CDK12: variants seen among roughly 807,000 people sequenced by gnomAD.
CDK12 encodes the protein cyclin dependent kinase 12.
In CDK12, 17 loss-of-function variants were observed where a neutral mutation model predicts 133.8. The ratio of observed to expected loss-of-function variants is 0.13; its 90% CI spans 0.09 to 0.19. The LOEUF (loss-of-function observed/expected upper bound fraction) is 0.19. Ranked by LOEUF, CDK12 falls within the 10% of genes least tolerant of loss-of-function variation. The pLI is 1.00. For missense variants in CDK12, 1,508 were observed against 1,818.7 expected (o/e 0.83, Z 3.11); for synonymous variants, 694 against 683.6 (o/e 1.02, Z -0.24).
chr17:39,482,971 G>A (rs968602037), intron 2 of CDK12, among the ~76,000 whole-genome samples: 2 of 149,082 alleles, frequency 1.3e-5, no homozygotes, highest in African/African-American at 5.0e-5. Flanking sequence ...GGAGTACAGT[G>A]GCATGATCTC....
At chr17:39,512,122 A>T (rs2053540762) in intron 8 of CDK12, among the ~76,000 whole-genome samples, 1 of 152,208 alleles carries the variant, frequency 6.6e-6, no homozygotes, top group South Asian at 2.1e-4. Flanking sequence ...TATGTTGCCC[A>T]TTCTGGAGTC....
At chr17:39,489,812 T>A (rs866642288) in intron 2 of CDK12, among the ~76,000 whole-genome samples, 4 of 147,262 alleles carry the variant, frequency 2.7e-5, no homozygotes, top group African/African-American at 5.0e-5. Context: ...TTTTTTTTTT[T>A]AATTTTTTGT....
At chr17:39,486,198 C>T (rs1240038319) in intron 2 of CDK12, among the ~76,000 whole-genome samples, 1 of 151,184 alleles carries the variant, frequency 6.6e-6, no homozygotes, top group East Asian at 1.9e-4. Context: ...GGTGATCCGC[C>T]CGCTTGGCCT....
chr17:39,473,112 A>T (rs957738227), intron 2 of CDK12, among the ~76,000 whole-genome samples: 3 of 152,050 alleles, frequency 2.0e-5, no homozygotes, highest in Admixed American at 6.6e-5. Flanking sequence ...ATAATATTTA[A>T]CCAAATAGTC....
intron 2 of CDK12, among the ~76,000 whole-genome samples, chr17:39,553,169 G>A (rs7216086): frequency 0.61 from 92,583 of 151,922 alleles, 31,859 homozygotes; most frequent in South Asian, 0.89. Context: ...GTTAGCCTAC[G>A]GCTCAACTCT....
chr17:39,545,467 C>G (rs191728691), upstream of CDK12, among the ~76,000 whole-genome samples: 1 of 147,564 alleles, frequency 6.8e-6, no homozygotes, highest in Non-Finnish European at 1.5e-5. Flanking sequence ...GGATTATAGA[C>G]GTGAGCCACT....
chr17:39,467,952 GGC>G (rs2049474122), intron 1 of CDK12, among the ~76,000 whole-genome samples: 2 of 151,320 alleles, frequency 1.3e-5, no homozygotes, highest in Admixed American at 1.3e-4. Context: ...GGAGTGCAGT[GGC>G]GTGATCTTGG....
chr17:39,481,559 C>G, intron 2 of CDK12, among the ~76,000 whole-genome samples: 1 of 151,708 alleles, frequency 6.6e-6, no homozygotes. Flanking sequence ...GTCTGCCCAC[C>G]TTGGTCTTCC....
chr17:39,480,170 C>T (rs1308428931), intron 2 of CDK12, among the ~76,000 whole-genome samples: 1 of 152,076 alleles, frequency 6.6e-6, no homozygotes, highest in East Asian at 1.9e-4. Context: ...GTGATCCACT[C>T]ATCTGGGCCT....
In CDK12 at chr17:39,530,911, A is replaced by C. The variant is rs1259573160; in HGVS notation, c.4068A>C (p.Arg1356=). ...TCAGTGCCATTGACACTGATGAACG[A>C]AACTCTGGTCCAGCCTTGACAGAAT... The part of the protein sequence containing the change: ...TGFSAIDTDE[R]NSGPALTESL... Residue 1356 remains arginine, a synonymous_variant, in exon 14 of 14, where the codon CGA becomes CGC. Coordinates refer to ENST00000447079, the MANE Select transcript of CDK12 (RefSeq NM_016507.4). The C allele has an allele frequency of 6.2e-7, 1 of 1,614,224 alleles. No individual in the cohort carries two copies. Among genetic ancestry groups the C allele is most frequent in the Middle Eastern group, 1.6e-4 (1 of 6,062 alleles).
intron 6 of CDK12, among the ~76,000 whole-genome samples, chr17:39,507,727 C>G (rs2053226742): frequency 6.6e-6 from 1 of 152,184 alleles, no homozygotes; most frequent in Non-Finnish European, 1.5e-5. Flanking sequence ...TTCAGTCCTA[C>G]TATGTGCCTT....
chr17:39,488,755 A>T (rs1385064547), intron 2 of CDK12, among the ~76,000 whole-genome samples: 1 of 151,868 alleles, frequency 6.6e-6, no homozygotes, highest in African/African-American at 2.4e-5. Flanking sequence ...CTATTTTTAA[A>T]TTTTTTATTT....
chr17:39,462,976 T>C lies in CDK12; in HGVS notation c.905T>C (p.Val302Ala), dbSNP rs1223681170. 6.8e-6 allele frequency: 11 copies of C among 1,613,868 alleles called. No individual in the cohort carries two copies. The South Asian group carries it at 9.9e-5, about 14-fold the overall frequency. The stretch of plus-strand genomic sequence containing the variant: ...CCCTACAGTAGGCGACAGAGATCTG[T>C]CAGTCCCTATAGCAGGAGACGGTCG... ...PSPYSRRQRS[V>A]SPYSRRRSSS... Residue 302 changes from valine (V) to alanine (A), a missense_variant, in exon 1 of 14, where the codon GTC (valine) becomes GCC (alanine). Around this residue, in one of 9 missense-constraint regions of CDK12, gnomAD observed 460 missense variants for 490.8 expected, o/e 0.94. Transcript: ENST00000447079.
chr17:39,471,716 T>G lies in CDK12; in HGVS notation c.1884T>G (p.Pro628=). 1 of 1,614,074 alleles carries G rather than the reference T, an allele frequency of 6.2e-7. No individual in the cohort carries two copies. Among genetic ancestry groups the G allele is most frequent in the Non-Finnish European group, 8.5e-7 (1 of 1,179,992 alleles). The part of the protein sequence containing the change: ...AIPHLKTSTL[P]PLPLPPLLPG... ...CACACCTGAAAACTTCAACGTTGCCTCCTTTGCCCCTCCCACCCTTATTAC... is the reference window on the plus strand; with the variant it reads ...CACACCTGAAAACTTCAACGTTGCCGCCTTTGCCCCTCCCACCCTTATTAC... Residue 628 remains proline, a synonymous_variant, in exon 2 of 14, where the codon CCT becomes CCG. Transcript: ENST00000447079.
chr17:39,533,410 T>C lies in CDK12; in HGVS notation c.*2094T>C. The C allele has an allele frequency of 4.3e-6, 1 of 233,188 alleles. No individual in the cohort carries two copies. Among genetic ancestry groups the C allele is most frequent in the Non-Finnish European group, 8.5e-6 (1 of 117,914 alleles). 14.4% of individuals were successfully genotyped at this position (233,188 alleles called of 1,614,324 possible). On this transcript the variant is annotated 3_prime_UTR_variant, in exon 14 of 14. Coordinates refer to ENST00000447079, the MANE Select transcript of CDK12 (RefSeq NM_016507.4). The stretch of plus-strand genomic sequence containing the variant: ...ACATGGGCCTTTGTGTTTTAGAATA[T>C]TTGAATTTGAGTTATTGGGCCCCAC...
chr17:39,542,216 C>T (rs1236190296), intron 1 of CDK12, among the ~76,000 whole-genome samples: 5 of 149,846 alleles, frequency 3.3e-5, no homozygotes, highest in South Asian at 4.2e-4. Context: ...GACGGAGTTT[C>T]GCTCTTGTCA....
Position 39,462,551 on chromosome 17 carries a change from C to T in CDK12, c.480C>T (p.Asp160=). Residue 160 remains aspartate (D), a synonymous_variant, in exon 1 of 14, where the codon GAC becomes GAT. Coordinates refer to ENST00000447079, the MANE Select transcript of CDK12 (RefSeq NM_016507.4). ...SSKRSNEETD[D]YGKAQVAKSS... ...AGCGTTCGAATGAGGAGACTGATGA[C>T]TATGGGAAGGCGCAGGTAGCCAAAA... 1 of 1,614,124 alleles carries T rather than the reference C, an allele frequency of 6.2e-7. No homozygotes were observed. The highest frequency in any genetic ancestry group is 8.5e-7 in the Non-Finnish European group (1 of 1,180,032).
rs373818969 is a variant in CDK12, at chr17:39,462,974, T to G, written c.903T>G (p.Ser301=). The G allele has an allele frequency of 1.9e-5, 30 of 1,613,966 alleles. No homozygotes were observed. The highest frequency in any genetic ancestry group is 2.5e-5 in the Non-Finnish European group (29 of 1,180,010). Residue 301 remains serine, a synonymous_variant, in exon 1 of 14, where the codon TCT becomes TCG. Transcript: ENST00000447079. ...SPSPYSRRQR[S]VSPYSRRRSS... ...GCCCCTACAGTAGGCGACAGAGATC[T>G]GTCAGTCCCTATAGCAGGAGACGGT... is the stretch of plus-strand genomic sequence containing the variant.
intron 2 of CDK12, among the ~76,000 whole-genome samples, chr17:39,473,862 G>C (rs188696984): frequency 6.6e-6 from 1 of 151,374 alleles, no homozygotes; most frequent in African/African-American, 2.4e-5. Flanking sequence ...TCTAGCCTGG[G>C]CAACAGAGCC....
Sources: gnomAD v4.1 joint callset for allele counts (sites outside exome capture counted in the v4.1 genomes callset) on GRCh38, gnomAD v4.1.1 for gene constraint, gnomAD v4.1.1 regional missense constraint, MANE v1.5 for transcripts, NCBI Gene and HGNC (gene_info 2026-07-23, HGNC 2026-07-21) for gene names.